HNRNPL: variants seen among roughly 807,000 people sequenced by gnomAD.
The protein encoded by HNRNPL is heterogeneous nuclear ribonucleoprotein L.
HNRNPL carries 12 observed loss-of-function variants against 64.0 expected under a neutral mutation model. The observed-to-expected ratio is 0.19, with a 90% CI of 0.12 to 0.30. The LOEUF is 0.30. Ranked by LOEUF, HNRNPL falls within the 10% of genes least tolerant of loss-of-function variation. The pLI, the probability that HNRNPL is intolerant of heterozygous loss-of-function variation, is 1.00. For missense variants in HNRNPL, 484 were observed against 797.4 expected (o/e 0.61, Z 4.73); for synonymous variants, 385 against 313.0 (o/e 1.23, Z -2.43).
chr19:38,839,415 G>C (rs1365942685), intron 8 of HNRNPL: 3 of 196,540 alleles, frequency 1.5e-5, no homozygotes, highest in East Asian at 2.7e-4. Flanking sequence ...TCTGGAGCCA[G>C]GCAGTCTGGC....
chr19:38,849,371 G>A, intron 1 of HNRNPL: 2 of 271,380 alleles, frequency 7.4e-6, no homozygotes, highest in South Asian at 1.6e-4. Flanking sequence ...TGGAGCCAGC[G>A]AAGAAAATGA....
At chr19:38,842,334 C>T (rs1402026725) in intron 6 of HNRNPL, 3 of 152,246 alleles carry the variant, frequency 2.0e-5, no homozygotes, top group African/African-American at 4.8e-5. Flanking sequence ...AAAAGAGCAT[C>T]GCTCGCTGGC....
upstream of HNRNPL, among the ~76,000 whole-genome samples, chr19:38,851,483 G>T (rs572102115): frequency 2.0e-5 from 3 of 152,360 alleles, no homozygotes; most frequent in East Asian, 5.8e-4. Context: ...TCGCCAAAGG[G>T]GGGAAAAGAA....
chr19:38,849,946 G>A lies in HNRNPL; in HGVS notation c.21C>T (p.Pro7=), dbSNP rs1233220035. The A allele has an allele frequency of 2.9e-6, 4 of 1,357,308 alleles. No individual in the cohort carries two copies. The highest frequency in any genetic ancestry group is 1.5e-5 in the African/African-American group (1 of 66,034). The allele number at this position is 1,357,308 out of a possible 1,614,324, so 84.1% of individuals were successfully genotyped here. The change falls in exon 1 of 13, where the codon CCC becomes CCT. Residue 7 remains proline, a synonymous_variant. Coordinates refer to ENST00000221419, the MANE Select transcript of HNRNPL (RefSeq NM_001533.3). MSRRLL[P]RAEKRRRRLE... Reference sequence around the variant, plus strand: ...GCCGCCGACGCCGCTTCTCCGCCCGGGGCAGCAGCCTCCGCGACATGGCGG... The same window carrying A: ...GCCGCCGACGCCGCTTCTCCGCCCGAGGCAGCAGCCTCCGCGACATGGCGG...
intron 6 of HNRNPL, chr19:38,842,420 CCTTTT>C (rs1044747013): frequency 6.6e-6 from 1 of 152,116 alleles, no homozygotes; most frequent in African/African-American, 2.4e-5. Flanking sequence ...TGGATTTTGA[CCTTTT>C]TTTTAATGTT....
chr19:38,837,726 C>A, intron 10 of HNRNPL, 75 bp from the exon 11 acceptor site: 1 of 1,285,944 alleles, frequency 7.8e-7, no homozygotes, highest in South Asian at 1.2e-5. Flanking sequence ...AGACCAGGCC[C>A]TGCATGACTC....
intron 6 of HNRNPL, 62 bp from the exon 7 acceptor site, chr19:38,840,621 G>A: frequency 7.6e-7 from 1 of 1,310,690 alleles, no homozygotes; most frequent in Non-Finnish European, 1.1e-6. Flanking sequence ...CCTCCCTCCT[G>A]ACTGCACAGG....
chr19:38,842,194 CAG>C (rs1021599103), intron 6 of HNRNPL: 2 of 136,148 alleles, frequency 1.5e-5, no homozygotes, highest in Admixed American at 8.1e-5. Context: ...AATATCAAAA[CAG>C]AAAAAAAACA....
intron 9 of HNRNPL, 53 bp downstream of exon 9, chr19:38,838,841 C>A (rs1308278516): frequency 6.2e-7 from 1 of 1,611,526 alleles, no homozygotes; most frequent in South Asian, 1.1e-5. Context: ...GCCCCATTCC[C>A]CTCCTTTTCT....
At chr19:38,846,432 G>A (rs1268021792) in intron 2 of HNRNPL, among the ~76,000 whole-genome samples, 1 of 152,182 alleles carries the variant, frequency 6.6e-6, no homozygotes, top group Non-Finnish European at 1.5e-5. Context: ...TACTGTATTT[G>A]CAGTATATAG....
In HNRNPL at chr19:38,849,503, G is replaced by A. The variant is rs569904716; in HGVS notation, c.267+197C>T. On this transcript the variant is annotated intron_variant, in intron 1 of 12. Transcript: ENST00000221419. ...TCTGCGCTCCCCCACACCCCGCTCC[G>A]GACCCCGCGCACGCGCAGGCGCCTG... is the stretch of plus-strand genomic sequence containing the variant. 1.3e-5 allele frequency: 9 copies of A among 703,188 alleles called. No homozygotes were observed. In the East Asian group the frequency reaches 1.4e-4, roughly 11 times the overall value. 43.6% of individuals were successfully genotyped at this position (703,188 alleles called of 1,614,324 possible). A position where few individuals can be genotyped will look rare whatever the true frequency, so the allele number is the denominator to read the frequency against.
chr19:38,843,967 TG>T (rs755688211), intron 5 of HNRNPL, 40 bp downstream of exon 5: 8 of 1,608,850 alleles, frequency 5.0e-6, no homozygotes, highest in Non-Finnish European at 6.8e-6. Flanking sequence ...CCAGCTCACC[TG>T]GAAGCTGACA....
intron 6 of HNRNPL, chr19:38,842,154 T>C (rs549024706): frequency 9.2e-5 from 14 of 152,836 alleles, no homozygotes; most frequent in African/African-American, 2.9e-4. Flanking sequence ...GCAGATTATG[T>C]TGGCAGCCGG....
At position 38,836,706 on chromosome 19, in the gene HNRNPL, C is replaced by T; in HGVS notation, c.*16G>A. 6.3e-7 allele frequency: 1 copy of T among 1,589,624 alleles called. No individual in the cohort carries two copies. Among genetic ancestry groups the T allele is most frequent in the South Asian group, 1.1e-5 (1 of 89,356 alleles). ...AATGTCTTCCTGCTCAGATGGGACT[C>T]TTCCTAGGCACCTAATTAGGAGGCG... On this transcript the variant is annotated 3_prime_UTR_variant, in exon 13 of 13. Coordinates refer to ENST00000221419, the MANE Select transcript of HNRNPL (RefSeq NM_001533.3).
chr19:38,843,718 A>G (rs1972190311), intron 6 of HNRNPL, 124 bp downstream of exon 6: 1 of 776,248 alleles, frequency 1.3e-6, no homozygotes, highest in East Asian at 2.5e-5. Context: ...GCTGACCCCA[A>G]GGCCCTCCCA....
chr19:38,840,065 G>A (rs762435923), intron 8 of HNRNPL, 31 bp downstream of exon 8: 43 of 1,610,696 alleles, frequency 2.7e-5, no homozygotes, highest in South Asian at 1.8e-4. Context: ...GAGGCTCAGC[G>A]AGGAACCCAG....
chr19:38,838,705 G>T, intron 9 of HNRNPL, 107 bp from the exon 10 acceptor site: 1 of 1,329,028 alleles, frequency 7.5e-7, no homozygotes, highest in Non-Finnish European at 1.1e-6. Flanking sequence ...TTGGGGCATT[G>T]CTCTACACCT....
upstream of HNRNPL, chr19:38,852,200 C>G (rs932845462): frequency 6.7e-5 from 10 of 148,606 alleles, no homozygotes; most frequent in African/African-American, 2.2e-4. Context: ...CCGCCCCGCC[C>G]CCACCCCGCT....
chr19:38,849,788 C>A lies in HNRNPL; in HGVS notation c.179G>T (p.Arg60Leu). The change falls in exon 1 of 13, where the codon CGG becomes CTG. Residue 60 changes from arginine to leucine, a missense_variant. By Grantham distance (102) the Arg-to-Leu change is moderately radical (BLOSUM62 -2). Coordinates refer to ENST00000221419, the MANE Select transcript of HNRNPL (RefSeq NM_001533.3). ...GGSEGGRAPK[R>L]LKTDNAGDQH... ...GTCGCCGGCGTTGTCAGTCTTGAGC[C>A]GCTTAGGGGCCCGGCCGCCCTCACT... is the stretch of plus-strand genomic sequence containing the variant. The A allele has an allele frequency of 1.4e-6, 2 of 1,402,122 alleles. No individual in the cohort carries two copies. The highest frequency in any genetic ancestry group is 2.2e-5 in the Admixed American group (1 of 45,554). The allele number at this position is 1,402,122 out of a possible 1,614,324, so 86.9% of individuals were successfully genotyped here. A position where few individuals can be genotyped will look rare whatever the true frequency, so the allele number is the denominator to read the frequency against.
Sources: gnomAD v4.1 joint callset for allele counts (sites outside exome capture counted in the v4.1 genomes callset) on GRCh38, gnomAD v4.1.1 for gene constraint, MANE v1.5 for transcripts, NCBI Gene and HGNC (gene_info 2026-07-23, HGNC 2026-07-21) for gene names.